IL12RB2: variants seen among roughly 807,000 people sequenced by gnomAD.
The protein encoded by IL12RB2 is interleukin 12 receptor subunit beta 2.
IL12RB2 carries 82 observed loss-of-function variants against 89.4 expected under a neutral mutation model. The observed-to-expected ratio is 0.92, with a 90% CI of 0.77 to 1.10. IL12RB2 has a LOEUF of 1.10. IL12RB2 is among the 50% of genes least tolerant of loss of function. The probability of loss-of-function intolerance (pLI) is 0.00; values close to 1 mark genes in which losing one functional copy is unlikely to be tolerated. For synonymous variants in IL12RB2, 368 were observed against 370.1 expected, an observed-to-expected ratio of 0.99 and a Z score of 0.07; for missense variants, 963 against 1,031.9, an observed-to-expected ratio of 0.93 and a Z score of 0.92.
chr1:67,366,129 T>G (rs1055427733), intron 10 of IL12RB2, among the ~76,000 whole-genome samples: 1 of 151,984 alleles, frequency 6.6e-6, no homozygotes, highest in African/African-American at 2.4e-5. Flanking sequence ...TAACTAGTAA[T>G]ATATGAAAAG....
intron 2 of IL12RB2, among the ~76,000 whole-genome samples, chr1:67,317,207 G>A (rs891836733): frequency 1.1e-4 from 17 of 152,210 alleles, no homozygotes; most frequent in African/African-American, 4.1e-4. Context: ...TCAGCAGAGA[G>A]TGGTGGATGT....
chr1:67,370,416 T>C (rs956559197), intron 11 of IL12RB2, among the ~76,000 whole-genome samples: 5 of 152,152 alleles, frequency 3.3e-5, no homozygotes, highest in Non-Finnish European at 7.3e-5. Flanking sequence ...AACATCATGG[T>C]GTCTAGAAAA....
intron 10 of IL12RB2, among the ~76,000 whole-genome samples, chr1:67,366,332 T>C (rs911457924): frequency 5.3e-5 from 8 of 150,780 alleles, no homozygotes; most frequent in Non-Finnish European, 1.2e-4. Flanking sequence ...ACGCCTGTAG[T>C]CCCAGCTACT....
At position 67,395,616 on chromosome 1, in the gene IL12RB2, G is replaced by T; in HGVS notation, c.2116G>T (p.Val706Phe). 1 of 1,614,222 alleles carries T rather than the reference G, an allele frequency of 6.2e-7. No homozygotes were observed. Among genetic ancestry groups the T allele is most frequent in the Non-Finnish European group, 8.5e-7 (1 of 1,180,048 alleles). Residue 706 changes from valine (V) to phenylalanine (F), a missense_variant, in exon 17 of 17, where the codon GTC becomes TTC. Val to Phe is a conservative substitution (Grantham distance 50). Transcript: ENST00000674203. ...WPTPEDPEPL[V>F]ISEVLHQVTP... ...CACGCCTGAAGATCCTGAACCGCTGGTCATCAGTGAAGTCCTTCATCAAGT... is the reference window on the plus strand; with the variant it reads ...CACGCCTGAAGATCCTGAACCGCTGTTCATCAGTGAAGTCCTTCATCAAGT...
chr1:67,376,437 G>A (rs938282347), intron 13 of IL12RB2, among the ~76,000 whole-genome samples: 11 of 152,120 alleles, frequency 7.2e-5, no homozygotes, highest in African/African-American at 7.2e-5. Context: ...CTTTTCCAAC[G>A]ACTGGCAACT....
chr1:67,367,859 A>C lies in IL12RB2; in HGVS notation c.1293A>C (p.Ser431=), dbSNP rs988245989. 3.1e-6 allele frequency: 5 copies of C among 1,607,794 alleles called. No homozygotes were observed. The African/African-American group carries it at 4.0e-5, about 13-fold the overall frequency. Residue 431 remains serine (S), a synonymous_variant, in exon 11 of 17, where the codon TCA becomes TCC. Transcript: ENST00000674203. ...LLAPRQVSAN[S]EGMDNILVTW... ...CTCCTCGCCAGGTCTCTGCAAACTC[A>C]GAGGGCATGGACAACATTCTGGTGA...
intron 16 of IL12RB2, among the ~76,000 whole-genome samples, chr1:67,394,249 T>C (rs1666129437): frequency 6.6e-6 from 1 of 152,112 alleles, no homozygotes; most frequent in Admixed American, 6.5e-5. Context: ...TGACTGTGCA[T>C]GTAAGCCAAG....
At chr1:67,359,003 T>C (rs1466796851) in intron 10 of IL12RB2, among the ~76,000 whole-genome samples, 1 of 151,886 alleles carries the variant, frequency 6.6e-6, no homozygotes, top group Non-Finnish European at 1.5e-5. Context: ...TAGCCAGGCA[T>C]AGTGGTGCAC....
intron 1 of IL12RB2, among the ~76,000 whole-genome samples, chr1:67,311,780 GT>G: frequency 6.6e-6 from 1 of 152,244 alleles, no homozygotes; most frequent in African/African-American, 2.4e-5. Flanking sequence ...ACTACCCTTA[GT>G]TTTTTAATTC....
At chr1:67,378,838 A>AGACT (rs1664250477) in intron 13 of IL12RB2, among the ~76,000 whole-genome samples, 1 of 138,692 alleles carries the variant, frequency 7.2e-6, no homozygotes, top group African/African-American at 2.8e-5. Context: ...TGACAGAGCA[A>AGACT]GACTCTTCTC....
intron 7 of IL12RB2, among the ~76,000 whole-genome samples, chr1:67,330,054 A>C (rs544613690): frequency 3.3e-5 from 5 of 152,330 alleles, no homozygotes; most frequent in African/African-American, 1.2e-4. Flanking sequence ...GAAAAGAGAA[A>C]TATTAAGAAA....
At chr1:67,344,805 G>C (rs1660035579) in intron 9 of IL12RB2, among the ~76,000 whole-genome samples, 7 of 152,108 alleles carry the variant, frequency 4.6e-5, no homozygotes, top group Admixed American at 4.6e-4. Flanking sequence ...ATGTTTCAAG[G>C]GCTCCATGAC....
intron 16 of IL12RB2, among the ~76,000 whole-genome samples, chr1:67,393,040 C>T (rs556235165): frequency 7.8e-4 from 119 of 152,118 alleles, no homozygotes; most frequent in Non-Finnish European, 1.4e-3. Context: ...AGCCTTGAGA[C>T]GGCCTTAGAA....
intron 16 of IL12RB2, among the ~76,000 whole-genome samples, chr1:67,390,933 G>C (rs17838063): frequency 6.6e-6 from 1 of 151,934 alleles, no homozygotes; most frequent in Admixed American, 6.6e-5. Flanking sequence ...TCCAACTACC[G>C]AGTATGTTCT....
chr1:67,378,848 CAAAAAAA>C (rs56260019), intron 13 of IL12RB2, among the ~76,000 whole-genome samples: 242 of 91,868 alleles, frequency 2.6e-3, no homozygotes, highest in African/African-American at 5.4e-3. Flanking sequence ...AGACTCTTCT[CAAAAAAA>C]AAAAAAAAAA....
intron 11 of IL12RB2, among the ~76,000 whole-genome samples, chr1:67,371,063 A>G (rs1033606775): frequency 6.6e-6 from 1 of 152,220 alleles, no homozygotes; most frequent in Non-Finnish European, 1.5e-5. Context: ...GGGGCAGAAC[A>G]GCCAGGCACT....
rs769610793 is a variant in IL12RB2 at position 67,390,030 on chromosome 1, G to A, written c.1948G>A (p.Val650Met). Reference protein sequence around the residue: ...IFSTHYFQQKVFVLLAALRPQ... With the variant: ...IFSTHYFQQKMFVLLAALRPQ... ...TGTCACTGTTTTCTTTATCTATAGG[G>A]TGTTTGTTCTCCTAGCAGCCCTCAG... is the stretch of plus-strand genomic sequence containing the variant. The change falls in exon 16 of 17, where the codon GTG becomes ATG. Residue 650 changes from valine to methionine, a missense_variant and splice_region_variant. Physicochemically the swap from Val to Met is conservative, Grantham distance 21. Coordinates refer to ENST00000674203, the MANE Select transcript of IL12RB2 (RefSeq NM_001374259.2). 4 of 1,145,174 alleles carry A rather than the reference G, an allele frequency of 3.5e-6. No individual in the cohort carries two copies. In the South Asian group the frequency reaches 4.9e-5, roughly 14 times the overall value. The allele number at this position is 1,145,174 out of a possible 1,614,324, so 70.9% of individuals were successfully genotyped here. A position where few individuals can be genotyped will look rare whatever the true frequency, so the allele number is the denominator to read the frequency against.
At chr1:67,362,316 C>T (rs17435481) in intron 10 of IL12RB2, among the ~76,000 whole-genome samples, 1,944 of 151,328 alleles carry the variant, frequency 0.013, 58 homozygotes, top group African/African-American at 0.046. Flanking sequence ...CCTGTAATCC[C>T]AGCACTTTGG....
At position 67,329,720 on chromosome 1, in the gene IL12RB2, C is replaced by G. The variant is rs1345748126; in HGVS notation, c.798C>G (p.Leu266=). 6.2e-7 allele frequency: 1 copy of G among 1,606,000 alleles called. No homozygotes were observed. Among genetic ancestry groups the G allele is most frequent in the East Asian group, 2.2e-5 (1 of 44,838 alleles). ...GATATCGGCCCAGTAACAGCAGGCT[C>G]TGGAATATGGTAATTATCTTTAGAG... is the stretch of plus-strand genomic sequence containing the variant. The part of the protein sequence containing the change: ...RLRYRPSNSR[L]WNMVNVTKAK... The change falls in exon 7 of 17, where the codon CTC becomes CTG. Residue 266 remains leucine, a synonymous_variant. Coordinates refer to ENST00000674203, the MANE Select transcript of IL12RB2 (RefSeq NM_001374259.2).
Sources: gnomAD v4.1 joint callset for allele counts (sites outside exome capture counted in the v4.1 genomes callset) on GRCh38, gnomAD v4.1.1 for gene constraint, MANE v1.5 for transcripts, NCBI Gene and HGNC (gene_info 2026-07-23, HGNC 2026-07-21) for gene names.